Variants in ANKRD13D observed in about 807,000 individuals in gnomAD.
The protein encoded by ANKRD13D is ankyrin repeat domain-containing protein 13D.
Under a neutral mutation model 68.8 loss-of-function variants are expected in ANKRD13D, and 24 were observed. The observed-to-expected ratio is 0.35, with a 90% CI of 0.25 to 0.49. The LOEUF (loss-of-function observed/expected upper bound fraction) is 0.49. Ranked by LOEUF, ANKRD13D falls within the 20% of genes least tolerant of loss-of-function variation. ANKRD13D has a pLI of 0.99. For synonymous variants in ANKRD13D, 331 were observed against 336.1 expected, an observed-to-expected ratio of 0.98 and a Z score of 0.16; for missense variants, 735 against 832.1, an observed-to-expected ratio of 0.88 and a Z score of 1.44.
intron 6 of ANKRD13D, among the ~76,000 whole-genome samples, chr11:67,292,921 T>G (rs1860631098): frequency 1.3e-5 from 2 of 152,230 alleles, no homozygotes; most frequent in South Asian, 4.1e-4. Flanking sequence ...TATGTTGCCT[T>G]TTGTGTCTGG....
chr11:67,302,017 G>C (rs551311172), intron 14 of ANKRD13D, 102 bp from the exon 15 acceptor site: 3 of 1,416,172 alleles, frequency 2.1e-6, no homozygotes, highest in Non-Finnish European at 2.8e-6. Context: ...TTGCCACCCT[G>C]TCTTTGCCTT....
Position 67,289,651 on chromosome 11 carries a change from C to T in ANKRD13D, c.90+101C>T, listed in dbSNP as rs1347412463. 6 of 928,954 alleles carry T rather than the reference C, an allele frequency of 6.5e-6. No homozygotes were observed. In the South Asian group the frequency reaches 8.1e-5, roughly 12 times the overall value. 57.5% of individuals were successfully genotyped at this position (928,954 alleles called of 1,614,324 possible). ...CCCCCCCCCCCCGCCCGCTCAGCTC[C>T]GCAGCCACATCCTGGGCCTTCCTCC... On this transcript the variant is annotated intron_variant, in intron 1 of 14. Transcript: ENST00000511455.
Position 67,299,519 on chromosome 11 carries a change from C to T in ANKRD13D, c.799-11C>T. ...CTGAGCCCCCAGCTCCCCGTGTCCC[C>T]TGCTCCCCAGGTGTACAGTGCCACC... On this transcript the variant is annotated splice_polypyrimidine_tract_variant and intron_variant, in intron 7 of 14. Transcript: ENST00000511455. The surrounding 1 kb of genome is among the most constrained non-coding windows in gnomAD (Gnocchi z 6.2). 1 of 1,550,134 alleles carries T rather than the reference C, an allele frequency of 6.5e-7. No homozygotes were observed. The highest frequency in any genetic ancestry group is 1.2e-5 in the South Asian group (1 of 84,012).
chr11:67,294,760 C>G (rs1215403948), intron 6 of ANKRD13D, among the ~76,000 whole-genome samples: 1 of 152,074 alleles, frequency 6.6e-6, no homozygotes, highest in Non-Finnish European at 1.5e-5. Flanking sequence ...AGGCTGGTCT[C>G]CAACTCCTGA....
chr11:67,299,994 C>A lies in ANKRD13D; in HGVS notation c.944C>A (p.Ala315Asp), dbSNP rs373358064. Residue 315 changes from alanine to aspartate, a missense_variant and splice_region_variant, in exon 10 of 15, where the codon GCC (alanine) becomes GAC (aspartate). By Grantham distance (126) the Ala-to-Asp change is moderately radical. Transcript: ENST00000511455. The surrounding 1 kb of genome is among the most constrained non-coding windows in gnomAD (Gnocchi z 6.2). Reference sequence around the variant, plus strand: ...GAGTCCGCCCTGGGACCCACGCAGGCCCCCGTGCAGCAGGCAGCCAGCCCC... The same window carrying A: ...GAGTCCGCCCTGGGACCCACGCAGGACCCCGTGCAGCAGGCAGCCAGCCCC... ...MAQQHSSHTG[A>D]PVQQAASPTN... 6.2e-7 allele frequency: 1 copy of A among 1,612,054 alleles called. No homozygotes were observed.
At chr11:67,295,428 G>A (rs1047197060) in intron 6 of ANKRD13D, among the ~76,000 whole-genome samples, 3 of 146,014 alleles carry the variant, frequency 2.1e-5, no homozygotes, top group African/African-American at 7.7e-5. Flanking sequence ...AAAAAAAAGG[G>A]GGGTGGTTAG....
rs748241226 is a variant in ANKRD13D, at chr11:67,301,469, C to T, written c.1349-19C>T. 5.0e-6 allele frequency: 8 copies of T among 1,610,350 alleles called. 1 individual carries two copies. In the East Asian group the frequency reaches 8.9e-5, roughly 18 times the overall value. On this transcript the variant is annotated intron_variant, in intron 12 of 14. Transcript: ENST00000511455. The surrounding 1 kb of genome is among the most constrained non-coding windows in gnomAD (Gnocchi z 4.5). ...CCAAGCCCCGCGGGTTGAGCGTGGC[C>T]CCTCTGCCACCTGCCTAGGGAACCC... is the stretch of plus-strand genomic sequence containing the variant.
chr11:67,292,224 A>G (rs1860590072), intron 6 of ANKRD13D, 44 bp downstream of exon 6: 2 of 1,536,126 alleles, frequency 1.3e-6, no homozygotes, highest in Non-Finnish European at 1.8e-6. Flanking sequence ...GGGGACGGAT[A>G]GCAAGAGCCA....
intron 1 of ANKRD13D, chr11:67,289,778 G>C (rs974071631): frequency 7.1e-7 from 1 of 1,415,114 alleles, no homozygotes; most frequent in Non-Finnish European, 9.2e-7. Context: ...ACTCGCTTCC[G>C]CATCCTTGCT....
At chr11:67,289,604 G>A (rs1860443245) in intron 1 of ANKRD13D, 54 bp downstream of exon 1, 2 of 1,414,048 alleles carry the variant, frequency 1.4e-6, no homozygotes, top group Admixed American at 2.5e-5. Context: ...ACCCAAGGCT[G>A]TGGCCTCCGT....
chr11:67,302,375 T>C lies in ANKRD13D; in HGVS notation c.*43T>C. 1 of 1,448,188 alleles carries C rather than the reference T, an allele frequency of 6.9e-7. No homozygotes were observed. Among genetic ancestry groups the C allele is most frequent in the Non-Finnish European group, 9.1e-7 (1 of 1,095,334 alleles). The allele number at this position is 1,448,188 out of a possible 1,614,324, so 89.7% of individuals were successfully genotyped here. The stretch of plus-strand genomic sequence containing the variant: ...GCTGGCCAGGCCACTCCCTGCCCGC[T>C]TTTGTAATTTATTTATTTATAAACT... On this transcript the variant is annotated 3_prime_UTR_variant, in exon 15 of 15. Coordinates refer to ENST00000511455, the MANE Select transcript of ANKRD13D (RefSeq NM_207354.3).
rs1413149977 is a variant in ANKRD13D, at chr11:67,292,051, T to C, written c.602T>C (p.Leu201Pro). The C allele has an allele frequency of 2.0e-5, 32 of 1,606,204 alleles. No individual in the cohort carries two copies. The highest frequency in any genetic ancestry group is 2.5e-5 in the Non-Finnish European group (29 of 1,174,562). Reference sequence around the variant, plus strand: ...CGGCAGGTGGTGCATGTGGAGACACTGGGGCTCACTCTGCAGGAGCCCGAA... The same window carrying C: ...CGGCAGGTGGTGCATGTGGAGACACCGGGGCTCACTCTGCAGGAGCCCGAA... Reference protein sequence around the residue: ...HDRQVVHVETLGLTLQEPETL... With the variant: ...HDRQVVHVETPGLTLQEPETL... The change falls in exon 6 of 15, where the codon CTG (leucine) becomes CCG (proline). Residue 201 changes from leucine (L) to proline (P), a missense_variant. Physicochemically the swap from Leu to Pro is moderately conservative, Grantham distance 98. Coordinates refer to ENST00000511455, the MANE Select transcript of ANKRD13D (RefSeq NM_207354.3).
At position 67,301,563 on chromosome 11, in the gene ANKRD13D, GCAA is replaced by G; in HGVS notation, c.1426_1428del (p.Asn476del). 6.2e-7 allele frequency: 1 copy of G among 1,612,976 alleles called. No individual in the cohort carries two copies. The highest frequency in any genetic ancestry group is 1.1e-5 in the South Asian group (1 of 91,086). ...GGGTACAGCGTGCTGGGCATGGAGC[GCAA>G]CGAGCCCCTCCGGGACGAGGACGAT... On this transcript the variant is annotated inframe_deletion, in exon 13 of 15. Coordinates refer to ENST00000511455, the MANE Select transcript of ANKRD13D (RefSeq NM_207354.3). The surrounding 1 kb of genome is among the most constrained non-coding windows in gnomAD (Gnocchi z 4.5).
chr11:67,293,352 T>C (rs905316570), intron 6 of ANKRD13D, among the ~76,000 whole-genome samples: 1 of 152,218 alleles, frequency 6.6e-6, no homozygotes, highest in Non-Finnish European at 1.5e-5. Context: ...GCCAGCCTAG[T>C]GGGTGAGAAG....
chr11:67,300,735 G>A lies in ANKRD13D; in HGVS notation c.1074-255G>A. ...AGAGAAGCCCACAGCCTGGCACCTG[G>A]CCTCCTTGTCCAGACCAGATGAGCT... On this transcript the variant is annotated intron_variant, in intron 10 of 14. Transcript: ENST00000511455. The surrounding 1 kb of genome is among the most constrained non-coding windows in gnomAD (Gnocchi z 4.3). 1 of 551,602 alleles carries A rather than the reference G, an allele frequency of 1.8e-6. No individual in the cohort carries two copies. The highest frequency in any genetic ancestry group is 3.2e-6 in the Non-Finnish European group (1 of 313,572). The allele number at this position is 551,602 out of a possible 1,614,324, so 34.2% of individuals were successfully genotyped here. A position where few individuals can be genotyped will look rare whatever the true frequency, so the allele number is the denominator to read the frequency against.
At position 67,299,777 on chromosome 11, in the gene ANKRD13D, G is replaced by A. The variant is rs1372733243; in HGVS notation, c.881-50G>A. ...GGCTCCAGGGGTGGAGGTGGGCAGG[G>A]GCGATGCGAGCATTGTGACCCCTTA... is the stretch of plus-strand genomic sequence containing the variant. On this transcript the variant is annotated intron_variant, in intron 8 of 14. Transcript: ENST00000511455. The surrounding 1 kb of genome is among the most constrained non-coding windows in gnomAD (Gnocchi z 6.2). 4 of 1,534,444 alleles carry A rather than the reference G, an allele frequency of 2.6e-6. No individual in the cohort carries two copies. Among genetic ancestry groups the A allele is most frequent in the Non-Finnish European group, 3.5e-6 (4 of 1,140,374 alleles).
At chr11:67,298,723 A>G (rs1860857426) in intron 6 of ANKRD13D, 2 of 295,830 alleles carry the variant, frequency 6.8e-6, no homozygotes, top group Non-Finnish European at 1.3e-5. Flanking sequence ...AATGTTTCCT[A>G]GAGTGTGTCA....
chr11:67,290,460 C>G lies in ANKRD13D; in HGVS notation c.351+14C>G, dbSNP rs774449342. 6 of 1,564,576 alleles carry G rather than the reference C, an allele frequency of 3.8e-6. No homozygotes were observed. The African/African-American group carries it at 8.1e-5, about 21-fold the overall frequency. On this transcript the variant is annotated intron_variant, in intron 3 of 14. Coordinates refer to ENST00000511455, the MANE Select transcript of ANKRD13D (RefSeq NM_207354.3). ...AAACTTCGCCAGGTACAGCAGGGCA[C>G]AGTTATGGAGGTGGGGTACCATGGC...
At chr11:67,295,839 C>T (rs1300330487) in intron 6 of ANKRD13D, among the ~76,000 whole-genome samples, 2 of 152,150 alleles carry the variant, frequency 1.3e-5, no homozygotes, top group Non-Finnish European at 2.9e-5. Flanking sequence ...TTCAGTCTTA[C>T]CATTAAGTAT....
Sources: allele counts gnomAD v4.1 joint callset (sites outside exome capture counted in the v4.1 genomes callset), GRCh38; gene constraint gnomAD v4.1.1; non-coding constraint Gnocchi (gnomAD v3.1); transcripts MANE v1.5; gene names NCBI Gene and HGNC (gene_info 2026-07-23, HGNC 2026-07-21).